The following CRHBP variants were observed in gnomAD, a reference collection of about 807,000 sequenced individuals.
CRHBP encodes corticotropin-releasing hormone-binding protein.
A neutral mutation model predicts 34.9 loss-of-function variants in CRHBP; 19 were observed. That is an observed-to-expected ratio of 0.55 (90% CI 0.38 to 0.80). The LOEUF (loss-of-function observed/expected upper bound fraction) is 0.80, where lower values mean the gene tolerates loss of function less well. Ranked by LOEUF, CRHBP falls within the 30% of genes least tolerant of loss-of-function variation. CRHBP has a pLI of 0.00. For missense variants in CRHBP, 328 were observed against 409.2 expected (o/e 0.80, Z 1.71); for synonymous variants, 154 against 153.4 (o/e 1.00, Z -0.03).
intron 3 of CRHBP, among the ~76,000 whole-genome samples, chr5:76,978,979 T>C (rs918601534): frequency 5.9e-5 from 9 of 152,228 alleles, no homozygotes; most frequent in Non-Finnish European, 8.8e-5. Flanking sequence ...GCAAACTCCA[T>C]TGATGTCTTA....
intron 6 of CRHBP, among the ~76,000 whole-genome samples, chr5:76,967,686 T>C (rs560802693): frequency 6.6e-6 from 1 of 151,952 alleles, no homozygotes; most frequent in South Asian, 2.1e-4. Flanking sequence ...CTTATATAAA[T>C]AATGAATAAG....
chr5:76,971,757 C>A (rs1044804691), downstream of CRHBP, among the ~76,000 whole-genome samples: 1 of 152,166 alleles, frequency 6.6e-6, no homozygotes, highest in Non-Finnish European at 1.5e-5. Flanking sequence ...TGGTCATGAG[C>A]AAATTGTCTC....
chr5:76,962,260 A>G (rs551455482), intron 5 of CRHBP, among the ~76,000 whole-genome samples: 7 of 152,154 alleles, frequency 4.6e-5, no homozygotes, highest in Admixed American at 1.3e-4. Context: ...GACCAGTACA[A>G]ATGAAAATGT....
At chr5:76,975,506 A>G (rs1746010988) in intron 2 of CRHBP, among the ~76,000 whole-genome samples, 1 of 151,980 alleles carries the variant, frequency 6.6e-6, no homozygotes. Flanking sequence ...AGTGCAATTA[A>G]GAGTATTAGG....
chr5:76,963,046 T>G (rs1383350806), intron 5 of CRHBP, among the ~76,000 whole-genome samples: 1 of 152,186 alleles, frequency 6.6e-6, no homozygotes, highest in Non-Finnish European at 1.5e-5. Context: ...ACACATCTTA[T>G]ATGGAGTTTA....
chr5:76,969,752 G>C (rs962371931), downstream of CRHBP, among the ~76,000 whole-genome samples: 1 of 152,064 alleles, frequency 6.6e-6, no homozygotes, highest in African/African-American at 2.4e-5. Context: ...TTTCTACAAA[G>C]ACAGCAAGGA....
At chr5:76,980,186 C>T (rs1452210256) in intron 3 of CRHBP, among the ~76,000 whole-genome samples, 2 of 137,418 alleles carry the variant, frequency 1.5e-5, no homozygotes, top group Admixed American at 8.2e-5. Flanking sequence ...ACCCGGGAGG[C>T]GGAGCTTGCA....
chr5:76,972,254 C>T (rs543111133), downstream of CRHBP, among the ~76,000 whole-genome samples: 58 of 152,024 alleles, frequency 3.8e-4, no homozygotes, highest in African/African-American at 1.3e-3. Context: ...AATCCCAGCA[C>T]TTTGGGAGGC....
At chr5:76,980,140 A>G (rs901741492) in intron 3 of CRHBP, among the ~76,000 whole-genome samples, 19 of 151,278 alleles carry the variant, frequency 1.3e-4, no homozygotes, top group Non-Finnish European at 2.4e-4. Flanking sequence ...CTGTAGTCCC[A>G]GCTACTCGGG....
downstream of CRHBP, among the ~76,000 whole-genome samples, chr5:76,973,256 C>G (rs1027410220): frequency 5.3e-5 from 8 of 152,224 alleles, no homozygotes; most frequent in African/African-American, 1.9e-4. Flanking sequence ...CCTGACTTGA[C>G]TCTTCCAAAG....
In CRHBP at chr5:76,955,713, C is replaced by G. The variant is rs1464127382; in HGVS notation, c.394C>G (p.Pro132Ala). Reference sequence around the variant, plus strand: ...CCCCAGTTCCCAGGATCATCCTCTCCCCTCAGCTGAGCGGTACATAGATTT... The same window carrying G: ...CCCCAGTTCCCAGGATCATCCTCTCGCCTCAGCTGAGCGGTACATAGATTT... ...KFPSSQDHPL[P>A]SAERYIDFCE... Residue 132 changes from proline to alanine, a missense_variant, in exon 4 of 7, where the codon CCC (proline) becomes GCC (alanine). Pro to Ala is a conservative substitution (Grantham distance 27). Around this residue, in one of 3 missense-constraint regions of CRHBP, gnomAD observed 173 missense variants for 172.2 expected, o/e 1.00. Coordinates refer to ENST00000274368, the MANE Select transcript of CRHBP (RefSeq NM_001882.4). 6.2e-7 allele frequency: 1 copy of G among 1,614,214 alleles called. No homozygotes were observed. Among genetic ancestry groups the G allele is most frequent in the Non-Finnish European group, 8.5e-7 (1 of 1,180,048 alleles).
At chr5:76,972,089 T>C (rs1745955902), downstream of CRHBP, among the ~76,000 whole-genome samples, 1 of 152,114 alleles carries the variant, frequency 6.6e-6, no homozygotes, top group Non-Finnish European at 1.5e-5. Flanking sequence ...TTATGCAGGC[T>C]GGAGTGCAGT....
intron 2 of CRHBP, among the ~76,000 whole-genome samples, chr5:76,975,361 G>T (rs1746009381): frequency 6.6e-6 from 1 of 152,096 alleles, no homozygotes; most frequent in African/African-American, 2.4e-5. Context: ...TTACTTTAAA[G>T]ATTCAAACCA....
rs1228980487 is a variant in CRHBP at position 76,969,022 on chromosome 5, C to T, written c.*137C>T. The stretch of plus-strand genomic sequence containing the variant: ...AGCCTTGAGCGCACGCGCGCACACA[C>T]ACACACACATACACACACGCATTAA... On this transcript the variant is annotated 3_prime_UTR_variant, in exon 7 of 7. Transcript: ENST00000274368. 1 of 884,176 alleles carries T rather than the reference C, an allele frequency of 1.1e-6. No individual in the cohort carries two copies. The highest frequency in any genetic ancestry group is 1.7e-6 in the Non-Finnish European group (1 of 587,722). The allele number at this position is 884,176 out of a possible 1,614,324, so 54.8% of individuals were successfully genotyped here.
At chr5:76,977,538 T>G (rs1746058278) in intron 3 of CRHBP, among the ~76,000 whole-genome samples, 1 of 152,226 alleles carries the variant, frequency 6.6e-6, no homozygotes, top group Non-Finnish European at 1.5e-5. Context: ...TGTAATTGTT[T>G]TAGGGTGCCA....
intron 1 of CRHBP, 121 bp from the exon 2 acceptor site, chr5:76,953,479 GA>G (rs1745605848): frequency 2.7e-6 from 3 of 1,091,132 alleles, no homozygotes; most frequent in Non-Finnish European, 2.7e-6. Flanking sequence ...CCGGACACGG[GA>G]AAACATTACC....
chr5:76,955,719 G>C lies in CRHBP; in HGVS notation c.400G>C (p.Ala134Pro). 6.2e-7 allele frequency: 1 copy of C among 1,614,222 alleles called. No homozygotes were observed. Residue 134 changes from alanine to proline, a missense_variant, in exon 4 of 7, where the codon GCT becomes CCT. Ala to Pro is a conservative substitution (Grantham distance 27). This residue lies in a region of CRHBP where 173 missense variants were observed against 172.2 expected (regional missense o/e 1.00). Transcript: ENST00000274368. ...TTCCCAGGATCATCCTCTCCCCTCAGCTGAGCGGTACATAGATTTCTGTGA... is the reference window on the plus strand; with the variant it reads ...TTCCCAGGATCATCCTCTCCCCTCACCTGAGCGGTACATAGATTTCTGTGA... Reference protein sequence around the residue: ...PSSQDHPLPSAERYIDFCESG... With the variant: ...PSSQDHPLPSPERYIDFCESG...
At chr5:76,954,907 T>C (rs527972437) in intron 3 of CRHBP, among the ~76,000 whole-genome samples, 1 of 152,344 alleles carries the variant, frequency 6.6e-6, no homozygotes, top group East Asian at 1.9e-4. Flanking sequence ...TAGGATTATT[T>C]TGGAACCTGT....
Position 76,961,536 on chromosome 5 carries a change from A to G in CRHBP, c.694-1807A>G, listed in dbSNP as rs563207203. Among the ~76,000 whole-genome samples the G allele has an allele frequency of 2.0e-5, 3 of 152,324 alleles. No homozygotes were observed. The South Asian group carries it at 6.2e-4, about 32-fold the overall frequency. On this transcript the variant is annotated intron_variant, in intron 5 of 6. Coordinates refer to ENST00000274368, the MANE Select transcript of CRHBP (RefSeq NM_001882.4). ...TCAATACAAGAACATGAAGCCCTGT[A>G]TACAGTGGGGCTAATTAAACCTCTT...
Sources: allele counts gnomAD v4.1 joint callset (sites outside exome capture counted in the v4.1 genomes callset), GRCh38; gene constraint gnomAD v4.1.1; regional missense constraint gnomAD v4.1.1; transcripts MANE v1.5; gene names NCBI Gene and HGNC (gene_info 2026-07-23, HGNC 2026-07-21).